Variants in NOX5 observed in about 807,000 individuals in gnomAD.
The protein encoded by NOX5 is NADPH oxidase, EF-hand calcium binding domain 5.
Under a neutral mutation model 85.7 loss-of-function variants are expected in NOX5, and 76 were observed. The ratio of observed to expected loss-of-function variants is 0.89; its 90% confidence interval spans 0.74 to 1.07. The LOEUF (loss-of-function observed/expected upper bound fraction) is 1.07. Among genes scored for constraint, NOX5 ranks in the 50% least tolerant of loss-of-function variants. The probability of loss-of-function intolerance (pLI) is 0.00; values close to 1 mark genes in which losing one functional copy is unlikely to be tolerated. For missense variants in NOX5, 973 were observed against 999.5 expected (o/e 0.97, Z 0.36); for synonymous variants, 405 against 401.4 (o/e 1.01, Z -0.11).
chr15:69,047,805 A>T, intron 12 of NOX5, 25 bp from the exon 13 acceptor site: 1 of 1,611,690 alleles, frequency 6.2e-7, no homozygotes, highest in Admixed American at 1.7e-5. Flanking sequence ...CAAATTTACA[A>T]CCCCTTCCTC....
intron 3 of NOX5, 84 bp from the exon 4 acceptor site, chr15:69,031,434 G>T (rs914523493): frequency 2.5e-5 from 36 of 1,452,718 alleles, no homozygotes; most frequent in Non-Finnish European, 3.1e-5. Context: ...TGGTCCTTCA[G>T]TTGCATGGTC....
chr15:69,021,364 T>TA (rs1284341436), intron 1 of NOX5, among the ~76,000 whole-genome samples: 2 of 151,900 alleles, frequency 1.3e-5, no homozygotes, highest in East Asian at 3.9e-4. Flanking sequence ...TTTTTTTTTT[T>TA]TTGAGACAGC....
In NOX5 at chr15:69,047,334, GC is replaced by G. The variant is rs1373168232; in HGVS notation, c.1693-76del. ...TTCTATATATAAAGGGGGTTCTGAA[GC>G]CCTGGGGACATCCCCTGGTAGCAGG... On this transcript the variant is annotated intron_variant, in intron 11 of 15. Transcript: ENST00000388866. The G allele has an allele frequency of 3.6e-5, 53 of 1,480,230 alleles. No individual in the cohort carries two copies. In the East Asian group the frequency reaches 1.3e-3, roughly 35 times the overall value. The allele number at this position is 1,480,230 out of a possible 1,614,324, so 91.7% of individuals were successfully genotyped here. A position where few individuals can be genotyped will look rare whatever the true frequency, so the allele number is the denominator to read the frequency against.
rs2050867575 is a variant in NOX5 at position 69,061,136 on chromosome 15, T to TGG, written c.*4440_*4441insGG. On this transcript the variant is annotated 3_prime_UTR_variant, in exon 16 of 16. Transcript: ENST00000388866. The stretch of plus-strand genomic sequence containing the variant: ...TGTACTTTTGTATGGCTTGTATCTA[T>TGG]TTTTTAAGAGTAAAACAAAATGCAG... The TGG allele has an allele frequency of 2.0e-5, 3 of 152,266 alleles. No individual in the cohort carries two copies. Among genetic ancestry groups the TGG allele is most frequent in the African/African-American group, 7.2e-5 (3 of 41,478 alleles). 9.4% of individuals were successfully genotyped at this position (152,266 alleles called of 1,614,324 possible). A position where few individuals can be genotyped will look rare whatever the true frequency, so the allele number is the denominator to read the frequency against.
In NOX5 at chr15:69,026,492, C is replaced by T. The variant is rs776362167; in HGVS notation, c.51-36C>T. On this transcript the variant is annotated intron_variant, in intron 1 of 15. Transcript: ENST00000388866. ...ATGAGACCTCATAAGGCTTTGGCCA[C>T]CCCAAGCCCATAAACCTGTTTCCTT... 23 of 1,613,352 alleles carry T rather than the reference C, an allele frequency of 1.4e-5. No individual in the cohort carries two copies. The Admixed American group carries it at 3.0e-4, about 21-fold the overall frequency.
chr15:69,021,873 A>G (rs1316528758), intron 1 of NOX5, among the ~76,000 whole-genome samples: 1 of 152,142 alleles, frequency 6.6e-6, no homozygotes, highest in African/African-American at 2.4e-5. Flanking sequence ...CACTATATTG[A>G]GGCATAAATG....
At position 69,048,967 on chromosome 15, in the gene NOX5, T is replaced by C. The variant is rs1377187654; in HGVS notation, c.1908T>C (p.Phe636=). 2 of 1,611,632 alleles carry C rather than the reference T, an allele frequency of 1.2e-6. No individual in the cohort carries two copies. Among genetic ancestry groups the C allele is most frequent in the South Asian group, 1.1e-5 (1 of 90,298 alleles). ...QDNMKLHKVD[F]IWINRDQRSF... is the part of the protein sequence containing the mutation. ...AGGGCCTCTCTCCGTAGGTGGACTT[T>C]ATCTGGATCAACAGAGACCAGCGGT... The change falls in exon 14 of 16, where the codon TTT becomes TTC. Residue 636 remains phenylalanine (F), a synonymous_variant. Coordinates refer to ENST00000388866, the MANE Select transcript of NOX5 (RefSeq NM_024505.4).
At chr15:69,018,953 T>C (rs2050265457) in intron 1 of NOX5, among the ~76,000 whole-genome samples, 1 of 152,146 alleles carries the variant, frequency 6.6e-6, no homozygotes, top group Non-Finnish European at 1.5e-5. Context: ...GCTTCGACCT[T>C]CTAGGCTCAA....
rs1170658202 is a variant in NOX5, at chr15:69,026,471, G to C, written c.51-57G>C. On this transcript the variant is annotated intron_variant, in intron 1 of 15. Coordinates refer to ENST00000388866, the MANE Select transcript of NOX5 (RefSeq NM_024505.4). Reference sequence around the variant, plus strand: ...GGCAGAGGCCCTGGGACCACCATGAGACCTCATAAGGCTTTGGCCACCCCA... The same window carrying C: ...GGCAGAGGCCCTGGGACCACCATGACACCTCATAAGGCTTTGGCCACCCCA... The C allele has an allele frequency of 1.9e-6, 3 of 1,610,508 alleles. No individual in the cohort carries two copies. The African/African-American group carries it at 4.0e-5, about 22-fold the overall frequency.
Position 69,047,551 on chromosome 15 carries a change from G to A in NOX5, c.1817+14G>A. The A allele has an allele frequency of 1.2e-6, 2 of 1,611,522 alleles. No individual in the cohort carries two copies. The highest frequency in any genetic ancestry group is 1.7e-6 in the Non-Finnish European group (2 of 1,178,814). On this transcript the variant is annotated intron_variant, in intron 12 of 15. Transcript: ENST00000388866. ...TATCATGTACAGGTGGGTGAACAGT[G>A]TGCTCCTGCCTGCATCCTGGGTCAG...
intron 14 of NOX5, 46 bp from the exon 15 acceptor site, chr15:69,055,288 G>A (rs766340586): frequency 1.3e-6 from 2 of 1,586,016 alleles, no homozygotes; most frequent in Non-Finnish European, 1.7e-6. Context: ...CTGCGCCCAT[G>A]ATGGGTACTA....
rs2050819025 is a variant in NOX5 at position 69,056,850 on chromosome 15, C to A, written c.*154C>A. On this transcript the variant is annotated 3_prime_UTR_variant, in exon 16 of 16. Coordinates refer to ENST00000388866, the MANE Select transcript of NOX5 (RefSeq NM_024505.4). ...CCTGCTCAACAGAGAGAACAGGAGA[C>A]CCCAAGGGGCAGATGAACTTCCTCT... is the stretch of plus-strand genomic sequence containing the variant. 18 of 873,384 alleles carry A rather than the reference C, an allele frequency of 2.1e-5. No individual in the cohort carries two copies. Among genetic ancestry groups the A allele is most frequent in the Non-Finnish European group, 2.9e-5 (17 of 594,310 alleles). 54.1% of individuals were successfully genotyped at this position (873,384 alleles called of 1,614,324 possible).
At chr15:69,041,421 A>G (rs2050593433) in intron 9 of NOX5, among the ~76,000 whole-genome samples, 2 of 152,206 alleles carry the variant, frequency 1.3e-5, no homozygotes, top group African/African-American at 4.8e-5. Flanking sequence ...TGAATGGAAC[A>G]TCTTTATTTT....
rs552292370 is a variant in NOX5, at chr15:69,020,120, A to C, written c.50+5335A>C. The stretch of plus-strand genomic sequence containing the variant: ...TATAGGACTTCTATGTTAAAAGAAC[A>C]CTAACACAGCTGCAATTTATCAATA... On this transcript the variant is annotated intron_variant, in intron 1 of 15. Transcript: ENST00000388866. 3.9e-5 allele frequency among the ~76,000 whole-genome samples: 6 copies of C among 152,324 alleles called. No individual in the cohort carries two copies. In the South Asian group the frequency reaches 1.2e-3, roughly 32 times the overall value.
chr15:69,056,145 C>T (rs1010708393), intron 15 of NOX5, among the ~76,000 whole-genome samples: 1 of 152,128 alleles, frequency 6.6e-6, no homozygotes, highest in Non-Finnish European at 1.5e-5. Flanking sequence ...GAAAGACTGA[C>T]ATCAGGAAGG....
At chr15:69,052,105 C>G (rs1277629115) in intron 14 of NOX5, among the ~76,000 whole-genome samples, 1 of 151,788 alleles carries the variant, frequency 6.6e-6, no homozygotes, top group Non-Finnish European at 1.5e-5. Context: ...GTAGCCCTAG[C>G]TACTTGGGAG....
At chr15:69,023,497 T>C in intron 1 of NOX5, 1 of 362,600 alleles carries the variant, frequency 2.8e-6, no homozygotes, top group South Asian at 2.3e-5. Flanking sequence ...GAGCCAGGGT[T>C]GTCTTCTTGA....
chr15:69,018,573 C>T (rs2050260166), intron 1 of NOX5, among the ~76,000 whole-genome samples: 1 of 149,558 alleles, frequency 6.7e-6, no homozygotes, highest in Non-Finnish European at 1.5e-5. Flanking sequence ...TACTGGACGC[C>T]CAAAGCTGGG....
chr15:69,056,766 C>T lies in NOX5; in HGVS notation c.*70C>T. The T allele has an allele frequency of 1.3e-6, 2 of 1,558,514 alleles. No homozygotes were observed. The highest frequency in any genetic ancestry group is 1.7e-6 in the Non-Finnish European group (2 of 1,150,208). ...CTTCATTGCATTAGTATAAATGCCC[C>T]CACAGGGACCAGCCTCAGATGACCC... On this transcript the variant is annotated 3_prime_UTR_variant, in exon 16 of 16. Transcript: ENST00000388866.
Sources: allele counts gnomAD v4.1 joint callset (sites outside exome capture counted in the v4.1 genomes callset), GRCh38; gene constraint gnomAD v4.1.1; transcripts MANE v1.5; gene names NCBI Gene and HGNC (gene_info 2026-07-23, HGNC 2026-07-21).